MORC3: variants seen among roughly 807,000 people sequenced by gnomAD.
MORC3 encodes the protein MORC family CW-type zinc finger protein 3.
A neutral mutation model predicts 109.1 loss-of-function variants in MORC3; 31 were observed. That is an observed-to-expected ratio of 0.28 (90% CI 0.21 to 0.38). MORC3 has a LOEUF of 0.38. Ranked by LOEUF, MORC3 falls within the 10% of genes least tolerant of loss-of-function variation. The pLI, the probability that MORC3 is intolerant of heterozygous loss-of-function variation, is 1.00. For missense variants in MORC3, 867 were observed against 1,135.8 expected, an observed-to-expected ratio of 0.76 and a Z score of 3.40; for synonymous variants, 395 against 380.7, an observed-to-expected ratio of 1.04 and a Z score of -0.44.
intron 1 of MORC3, among the ~76,000 whole-genome samples, chr21:36,322,085 T>C (rs549467409): frequency 6.6e-6 from 1 of 152,310 alleles, no homozygotes; most frequent in South Asian, 2.1e-4. Context: ...ATACAGCTCA[T>C]GGGCCAAATC....
intron 11 of MORC3, 25 bp from the exon 12 acceptor site, chr21:36,360,159 A>G: frequency 6.2e-7 from 1 of 1,614,046 alleles, no homozygotes; most frequent in Non-Finnish European, 8.5e-7. Context: ...GTGACATGTT[A>G]TTCCTATGTG....
intron 1 of MORC3, among the ~76,000 whole-genome samples, chr21:36,329,220 G>A (rs944663920): frequency 2.0e-5 from 3 of 152,032 alleles, no homozygotes; most frequent in East Asian, 1.9e-4. Flanking sequence ...GCTTGAACCC[G>A]GGAGGCAGAG....
Position 36,369,279 on chromosome 21 carries a change from T to C in MORC3, c.1911T>C (p.Thr637=). 6.2e-7 allele frequency: 1 copy of C among 1,614,206 alleles called. No homozygotes were observed. The part of the protein sequence containing the change: ...TSSSRCDQGN[T]AATQTEVPSL... ...CATCCCGATGCGACCAGGGAAATAC[T>C]GCAGCTACCCAGACTGAAGTACCAA... Residue 637 remains threonine (T), a synonymous_variant, in exon 15 of 17, where the codon ACT becomes ACC. Transcript: ENST00000400485.
chr21:36,353,755 A>ATTTTTT lies in MORC3; in HGVS notation c.1104-2848_1104-2843dup, dbSNP rs1202729285. Among the ~76,000 whole-genome samples the ATTTTTT allele has an allele frequency of 1.8e-3, 128 of 70,994 alleles. 21 individuals carry two copies. The highest frequency in any genetic ancestry group is 6.9e-3 in the African/African-American group (103 of 14,922). 46.6% of individuals were successfully genotyped at this position (70,994 alleles called of 152,430 possible). On this transcript the variant is annotated intron_variant, in intron 9 of 16. Coordinates refer to ENST00000400485, the MANE Select transcript of MORC3 (RefSeq NM_015358.3). ...GCCACCAAGCCCGGCTAATTTTTGT[A>ATTTTTT]TTTTTTTTTTTTTTTTTTTTTTAGT...
intron 1 of MORC3, among the ~76,000 whole-genome samples, chr21:36,322,221 A>G (rs891608608): frequency 2.6e-5 from 4 of 152,152 alleles, no homozygotes; most frequent in Admixed American, 6.6e-5. Context: ...TTCAGTTTCC[A>G]TAAAATTTTA....
chr21:36,338,549 T>TCG (rs1276440781), intron 4 of MORC3, among the ~76,000 whole-genome samples: 1 of 151,862 alleles, frequency 6.6e-6, no homozygotes, highest in Non-Finnish European at 1.5e-5. Context: ...AATTAGCCGG[T>TCG]CGTGGTGGTG....
intron 16 of MORC3, 73 bp downstream of exon 16, chr21:36,372,604 C>A: frequency 7.1e-7 from 1 of 1,400,838 alleles, no homozygotes; most frequent in Non-Finnish European, 9.5e-7. Context: ...TCTGCTAGCA[C>A]CCATCAAATA....
chr21:36,326,767 T>G (rs947877826), intron 1 of MORC3, among the ~76,000 whole-genome samples: 1 of 152,136 alleles, frequency 6.6e-6, no homozygotes, highest in African/African-American at 2.4e-5. Context: ...CCTTGTTTGC[T>G]TAAGGTGAAT....
intron 14 of MORC3, among the ~76,000 whole-genome samples, chr21:36,365,448 AT>A (rs532926161): frequency 2.1e-3 from 317 of 152,222 alleles, no homozygotes; most frequent in African/African-American, 7.0e-3. Flanking sequence ...GTGGGGCCAG[AT>A]TTTTTTTGAG....
At chr21:36,371,202 C>T (rs1261791009) in intron 15 of MORC3, among the ~76,000 whole-genome samples, 1 of 152,066 alleles carries the variant, frequency 6.6e-6, no homozygotes, top group Non-Finnish European at 1.5e-5. Context: ...AAGGATTTTC[C>T]TGCTAAAAAG....
intron 5 of MORC3, among the ~76,000 whole-genome samples, chr21:36,339,885 T>C (rs888246927): frequency 1.3e-5 from 2 of 152,226 alleles, no homozygotes; most frequent in African/African-American, 4.8e-5. Context: ...TTTTCAATTA[T>C]ACTTTCTGAG....
intron 15 of MORC3, among the ~76,000 whole-genome samples, chr21:36,370,431 A>G (rs1018326889): frequency 3.3e-5 from 5 of 151,826 alleles, no homozygotes; most frequent in Non-Finnish European, 5.9e-5. Flanking sequence ...CAGAATACCA[A>G]TATTAACTTA....
At chr21:36,333,211 G>T (rs1366967021) in intron 1 of MORC3, among the ~76,000 whole-genome samples, 4 of 152,214 alleles carry the variant, frequency 2.6e-5, no homozygotes, top group Non-Finnish European at 4.4e-5. Flanking sequence ...AAAACTTAGT[G>T]ATCAAGCACA....
At chr21:36,356,765 A>G in intron 10 of MORC3, 41 bp downstream of exon 10, 3 of 1,267,320 alleles carry the variant, frequency 2.4e-6, no homozygotes, top group Non-Finnish European at 3.4e-6. Flanking sequence ...CTTAGATATC[A>G]AGATGTGGTA....
chr21:36,362,176 T>C lies in MORC3; in HGVS notation c.1407-7T>C, dbSNP rs2085724809. 6.2e-7 allele frequency: 1 copy of C among 1,612,938 alleles called. No individual in the cohort carries two copies. Among genetic ancestry groups the C allele is most frequent in the African/African-American group, 1.3e-5 (1 of 74,804 alleles). ...ATAACAACATGTTTTTCATCTTTAT[T>C]TTAAAGCAACAAGGAAAAATTCAGG... On this transcript the variant is annotated splice_polypyrimidine_tract_variant and splice_region_variant and intron_variant, in intron 12 of 16. Transcript: ENST00000400485.
intron 1 of MORC3, among the ~76,000 whole-genome samples, chr21:36,328,058 G>A (rs903689474): frequency 4.6e-5 from 7 of 151,836 alleles, no homozygotes; most frequent in Non-Finnish European, 7.4e-5. Flanking sequence ...TGTATTTTTA[G>A]TAGAGACGGG....
At chr21:36,328,892 G>T (rs576889571) in intron 1 of MORC3, among the ~76,000 whole-genome samples, 3 of 136,596 alleles carry the variant, frequency 2.2e-5, no homozygotes, top group Non-Finnish European at 4.6e-5. Context: ...ATATACTAAC[G>T]ATAGCTGATG....
At chr21:36,350,381 C>T (rs1441965169) in intron 9 of MORC3, among the ~76,000 whole-genome samples, 4 of 151,336 alleles carry the variant, frequency 2.6e-5, no homozygotes, top group African/African-American at 7.3e-5. Flanking sequence ...TCGCTTGAGC[C>T]GAGGAGTTTG....
chr21:36,321,466 C>T (rs1010235279), intron 1 of MORC3, among the ~76,000 whole-genome samples: 9 of 151,246 alleles, frequency 6.0e-5, no homozygotes, highest in Non-Finnish European at 8.8e-5. Context: ...GATAAAGGTC[C>T]ATCCTTTCGT....
Sources: allele counts gnomAD v4.1 joint callset (sites outside exome capture counted in the v4.1 genomes callset), GRCh38; gene constraint gnomAD v4.1.1; transcripts MANE v1.5; gene names NCBI Gene and HGNC (gene_info 2026-07-23, HGNC 2026-07-21).